SHOC1: variants seen among roughly 807,000 people sequenced by gnomAD.
SHOC1 encodes protein shortage in chiasmata 1 ortholog.
A neutral mutation model predicts 179.2 loss-of-function variants in SHOC1; 136 were observed. The ratio of observed to expected loss-of-function variants is 0.76; its 90% CI spans 0.66 to 0.87. The LOEUF (loss-of-function observed/expected upper bound fraction) is 0.87, where lower values mean the gene tolerates loss of function less well. SHOC1 is among the 40% of genes least tolerant of loss of function. The probability of loss-of-function intolerance (pLI) is 0.00; values close to 1 mark genes in which losing one functional copy is unlikely to be tolerated. For synonymous variants in SHOC1, 489 were observed against 586.6 expected (o/e 0.83, Z 2.41); for missense variants, 1,538 against 1,700.8 (o/e 0.90, Z 1.68).
At position 111,727,836 on chromosome 9, in the gene SHOC1, T is replaced by G. The variant is rs1378496170; in HGVS notation, c.1631A>C (p.Lys544Thr). 6.2e-7 allele frequency: 1 copy of G among 1,611,790 alleles called. No homozygotes were observed. The highest frequency in any genetic ancestry group is 8.5e-7 in the Non-Finnish European group (1 of 1,179,316). Residue 544 changes from lysine to threonine, a missense_variant, in exon 13 of 28, where the codon AAA becomes ACA. Physicochemically the swap from Lys to Thr is moderately conservative, Grantham distance 78. Coordinates refer to ENST00000682961, the MANE Select transcript of SHOC1 (RefSeq NM_001378211.1). ...QEPVNRIIQK[K>T]ENNDHFELDC... ...AAGTTCAAAGTGATCGTTATTTTCT[T>G]TCTTTTGGATTATTCTGTTTACTGG...
chr9:111,696,536 T>C (rs938253485), intron 24 of SHOC1, among the ~76,000 whole-genome samples: 11 of 152,196 alleles, frequency 7.2e-5, no homozygotes, highest in South Asian at 2.1e-4. Flanking sequence ...ACCTGCTTTT[T>C]AGATTATTAT....
chr9:111,696,386 T>G (rs1831692244), intron 24 of SHOC1, among the ~76,000 whole-genome samples: 1 of 152,130 alleles, frequency 6.6e-6, no homozygotes, highest in East Asian at 1.9e-4. Context: ...TCTAAAATAA[T>G]ATGAGTCCAG....
At chr9:111,748,025 T>A in intron 9 of SHOC1, 67 bp downstream of exon 9, 3 of 1,008,500 alleles carry the variant, frequency 3.0e-6, no homozygotes, top group Non-Finnish European at 4.7e-6. Flanking sequence ...TATATGTGAA[T>A]GTACTGTACT....
At position 111,760,121 on chromosome 9, in the gene SHOC1, A is replaced by G. The variant is rs571874106; in HGVS notation, c.443-1273T>C. On this transcript the variant is annotated intron_variant, in intron 5 of 27. Coordinates refer to ENST00000682961, the MANE Select transcript of SHOC1 (RefSeq NM_001378211.1). ...TATCCTATATCCACCTTCTGCTTCT[A>G]AACAGATCCTCCAGCCATCTTCCCT... Among the ~76,000 whole-genome samples, 54 of 152,320 alleles carry G rather than the reference A, an allele frequency of 3.5e-4. 1 individual carries two copies. The South Asian group carries it at 3.7e-3, about 11-fold the overall frequency.
At chr9:111,707,970 A>C (rs1832356931) in intron 18 of SHOC1, 46 bp from the exon 19 acceptor site, 2 of 1,163,840 alleles carry the variant, frequency 1.7e-6, no homozygotes, top group African/African-American at 3.2e-5. Flanking sequence ...GTTCAGATAC[A>C]TATTTTTGGT....
chr9:111,723,420 C>A (rs887507910), intron 14 of SHOC1, among the ~76,000 whole-genome samples: 1 of 152,060 alleles, frequency 6.6e-6, no homozygotes, highest in African/African-American at 2.4e-5. Context: ...ATATAGGAAT[C>A]AATAGAAACT....
intron 7 of SHOC1, among the ~76,000 whole-genome samples, 189 bp from the exon 8 acceptor site, chr9:111,756,667 G>A (rs1834876714): frequency 6.6e-6 from 1 of 152,138 alleles, no homozygotes; most frequent in Non-Finnish European, 1.5e-5. Flanking sequence ...TCTATTATAA[G>A]CAATGTTCTC....
chr9:111,724,042 T>C (rs750503690), intron 13 of SHOC1, 131 bp from the exon 14 acceptor site: 1 of 665,102 alleles, frequency 1.5e-6, no homozygotes. Context: ...AGTATTAAAG[T>C]GAACAACTAT....
At chr9:111,688,699 GATCA>G (rs946350021) in intron 27 of SHOC1, among the ~76,000 whole-genome samples, 10 of 151,884 alleles carry the variant, frequency 6.6e-5, no homozygotes, top group Non-Finnish European at 5.9e-5. Context: ...ATTTATAATA[GATCA>G]ATTAAGAAAA....
chr9:111,721,922 A>G (rs1833070181), intron 15 of SHOC1, among the ~76,000 whole-genome samples: 3 of 152,118 alleles, frequency 2.0e-5, no homozygotes, highest in Admixed American at 6.5e-5. Flanking sequence ...TCTCTCAGGA[A>G]CCACTGTTCT....
intron 12 of SHOC1, among the ~76,000 whole-genome samples, chr9:111,732,382 G>A (rs986447193): frequency 3.7e-4 from 56 of 152,070 alleles, no homozygotes; most frequent in African/African-American, 1.3e-3. Flanking sequence ...CCAAGAGATT[G>A]AGACCCCATC....
intron 8 of SHOC1, among the ~76,000 whole-genome samples, chr9:111,748,814 T>TCCTC (rs1302688229): frequency 1.0e-5 from 1 of 96,830 alleles, no homozygotes; most frequent in Non-Finnish European, 2.0e-5. Flanking sequence ...CTTCCTTCCT[T>TCCTC]CCTCCCTCCC....
At chr9:111,691,417 T>C in intron 27 of SHOC1, 134 bp downstream of exon 27, 1 of 755,592 alleles carries the variant, frequency 1.3e-6, no homozygotes, top group Non-Finnish European at 2.1e-6. Flanking sequence ...TTAGATTTTC[T>C]CTTTTACCCA....
chr9:111,791,048 T>C (rs1235885965), intron 2 of SHOC1, among the ~76,000 whole-genome samples: 3 of 152,204 alleles, frequency 2.0e-5, no homozygotes, highest in African/African-American at 4.8e-5. Flanking sequence ...ACTGGCACTT[T>C]TGCTTTTTGA....
At chr9:111,728,492 CA>C (rs1254695211) in intron 12 of SHOC1, among the ~76,000 whole-genome samples, 1 of 152,088 alleles carries the variant, frequency 6.6e-6, no homozygotes, top group Non-Finnish European at 1.5e-5. Context: ...AAAAATTTGG[CA>C]AAAGACTTGA....
chr9:111,779,815 T>C (rs982086428), intron 4 of SHOC1, among the ~76,000 whole-genome samples: 2 of 152,158 alleles, frequency 1.3e-5, no homozygotes, highest in Non-Finnish European at 2.9e-5. Context: ...GGGATTCATA[T>C]GTACAGTAAA....
rs867018755 is a variant in SHOC1, at chr9:111,692,135, T to G, written c.3842A>C (p.Tyr1281Ser). ...LINIESRRPA[Y>S]NSFLNHSDSE... ...ATCACTGTGGTTTAGAAAGGAGTTA[T>G]AAGCCGGTCTCCTTGATTCTATATT... Residue 1281 changes from tyrosine to serine, a missense_variant, in exon 27 of 28, where the codon TAT becomes TCT. By Grantham distance (144) the Tyr-to-Ser change is moderately radical. Coordinates refer to ENST00000682961, the MANE Select transcript of SHOC1 (RefSeq NM_001378211.1). 30 of 1,613,734 alleles carry G rather than the reference T, an allele frequency of 1.9e-5. No individual in the cohort carries two copies. In the African/African-American group the frequency reaches 3.7e-4, roughly 20 times the overall value.
intron 5 of SHOC1, among the ~76,000 whole-genome samples, chr9:111,766,460 T>C (rs757178053): frequency 6.6e-6 from 1 of 152,222 alleles, no homozygotes; most frequent in Non-Finnish European, 1.5e-5. Context: ...GAAGTCTCCA[T>C]ACTGCTCTCC....
In SHOC1 at chr9:111,727,767, A is replaced by G; in HGVS notation, c.1700T>C (p.Ile567Thr). 6.2e-7 allele frequency: 1 copy of G among 1,613,456 alleles called. No homozygotes were observed. The highest frequency in any genetic ancestry group is 2.2e-5 in the East Asian group (1 of 44,774). ...GCCATGTTCAAAAGATGCTTTTTTA[A>G]TTATTGAAGAGGAAGGTGATTTAAT... Reference protein sequence around the residue: ...PSIKSPSSSIIKKASFEHGKK... With the variant: ...PSIKSPSSSITKKASFEHGKK... The change falls in exon 13 of 28, where the codon ATT (isoleucine) becomes ACT (threonine). Residue 567 changes from isoleucine to threonine, a missense_variant. Ile to Thr is a moderately conservative substitution (Grantham distance 89, BLOSUM62 -1). Transcript: ENST00000682961.
Sources: allele counts gnomAD v4.1 joint callset (sites outside exome capture counted in the v4.1 genomes callset), GRCh38; gene constraint gnomAD v4.1.1; transcripts MANE v1.5; gene names NCBI Gene and HGNC (gene_info 2026-07-23, HGNC 2026-07-21).